Variants in TBC1D9B observed in about 807,000 individuals in gnomAD.
TBC1D9B encodes the protein TBC1 domain family member 9B, also known as TBC1 domain family, member 9B (with GRAM domain).
Under a neutral mutation model 121.1 loss-of-function variants are expected in TBC1D9B, and 87 were observed. The ratio of observed to expected loss-of-function variants is 0.72; its 90% CI spans 0.60 to 0.86. The LOEUF (loss-of-function observed/expected upper bound fraction) is 0.86, where lower values mean the gene tolerates loss of function less well. Among genes scored for constraint, TBC1D9B ranks in the 40% least tolerant of loss-of-function variants. The pLI is 0.00. For missense variants in TBC1D9B, 1,540 were observed against 1,628.6 expected (o/e 0.95, Z 0.94); for synonymous variants, 668 against 670.1 (o/e 1.00, Z 0.05).
chr5:179,878,613 C>T lies in TBC1D9B; in HGVS notation c.1568-90G>A. 3 of 1,292,500 alleles carry T rather than the reference C, an allele frequency of 2.3e-6. No individual in the cohort carries two copies. The South Asian group carries it at 4.3e-5, about 18-fold the overall frequency. 80.1% of individuals were successfully genotyped at this position (1,292,500 alleles called of 1,614,324 possible). ...CAGGTTGGAGTCACCGGGTGCCCCA[C>T]AGAGGAGAGGTGGGACTTGGGGTCA... On this transcript the variant is annotated intron_variant, in intron 9 of 20. Coordinates refer to ENST00000355235, the MANE Select transcript of TBC1D9B (RefSeq NM_015043.4).
chr5:179,907,584 G>T lies in TBC1D9B; in HGVS notation c.118+120C>A. 2 of 440,456 alleles carry T rather than the reference G, an allele frequency of 4.5e-6. No homozygotes were observed. The highest frequency in any genetic ancestry group is 6.0e-6 in the Non-Finnish European group (2 of 334,540). The allele number at this position is 440,456 out of a possible 1,614,324, so 27.3% of individuals were successfully genotyped here. ...CCCCCGCCCCGCCGCGCGCTGGCGTGCGTGTCCGCCGCGACGCGCCGAGGC... is the reference window on the plus strand; with the variant it reads ...CCCCCGCCCCGCCGCGCGCTGGCGTTCGTGTCCGCCGCGACGCGCCGAGGC... On this transcript the variant is annotated intron_variant, in intron 1 of 20. Transcript: ENST00000355235. The surrounding 1 kb of genome is among the most constrained non-coding windows in gnomAD (Gnocchi z 5.3).
intron 17 of TBC1D9B, chr5:179,868,081 A>G (rs1760075658): frequency 2.7e-6 from 1 of 371,836 alleles, no homozygotes; most frequent in Admixed American, 4.2e-5. Context: ...TTTATCACCC[A>G]TGCTGCAGTG....
intron 7 of TBC1D9B, among the ~76,000 whole-genome samples, chr5:179,881,392 C>G (rs984814758): frequency 3.9e-5 from 6 of 152,148 alleles, no homozygotes; most frequent in Non-Finnish European, 8.8e-5. Flanking sequence ...TGCCCTCCTG[C>G]CCGCCCACCT....
intron 4 of TBC1D9B, among the ~76,000 whole-genome samples, chr5:179,894,137 G>A (rs1268295202): frequency 6.6e-6 from 1 of 152,228 alleles, no homozygotes; most frequent in Admixed American, 6.5e-5. Context: ...TTCAGCAGAA[G>A]AGGGCAGGGC....
chr5:179,907,528 C>T lies in TBC1D9B; in HGVS notation c.118+176G>A, dbSNP rs1761358152. On this transcript the variant is annotated intron_variant, in intron 1 of 20. Transcript: ENST00000355235. This position sits in a 1 kb window ranked among gnomAD's most constrained non-coding sequence, Gnocchi z 5.3. ...CCCTCGCCTCCCCGCCCCGGCCCCT[C>T]CGCGCCCGGCTCCCGGGTCCTGGCC... is the stretch of plus-strand genomic sequence containing the variant. 1.3e-5 allele frequency among the ~76,000 whole-genome samples: 2 copies of T among 149,854 alleles called. No homozygotes were observed. The highest frequency in any genetic ancestry group is 3.0e-5 in the Non-Finnish European group (2 of 67,274).
At chr5:179,876,126 C>G (rs1369181025) in intron 10 of TBC1D9B, 89 bp from the exon 11 acceptor site, 1 of 937,646 alleles carries the variant, frequency 1.1e-6, no homozygotes, top group East Asian at 2.9e-5. Flanking sequence ...CCACCCCTCC[C>G]TGCAAGGGCC....
Position 179,865,435 on chromosome 5 carries a change from T to A in TBC1D9B, c.2915-75A>T. 7.0e-7 allele frequency: 1 copy of A among 1,420,716 alleles called. No individual in the cohort carries two copies. Among genetic ancestry groups the A allele is most frequent in the Non-Finnish European group, 9.9e-7 (1 of 1,006,766 alleles). The allele number at this position is 1,420,716 out of a possible 1,614,324, so 88.0% of individuals were successfully genotyped here. On this transcript the variant is annotated intron_variant, in intron 19 of 20. Transcript: ENST00000355235. The surrounding 1 kb of genome is among the most constrained non-coding windows in gnomAD (Gnocchi z 5.1). ...GGGCTGACAGCAGGGAGAGGAAGAG[T>A]TGGGTGTTTTCTGGCATGGAGTTAC...
intron 2 of TBC1D9B, 38 bp from the exon 3 acceptor site, chr5:179,899,345 A>G: frequency 6.4e-7 from 1 of 1,572,872 alleles, no homozygotes; most frequent in Middle Eastern, 1.7e-4. Context: ...AAAATCATGA[A>G]TTCCCCAGGC....
At chr5:179,879,332 A>C in intron 8 of TBC1D9B, 135 bp from the exon 9 acceptor site, 1 of 1,384,182 alleles carries the variant, frequency 7.2e-7, no homozygotes, top group Non-Finnish European at 9.7e-7. Flanking sequence ...AATTCCCGGG[A>C]AAGACCAGGC....
Position 179,870,634 on chromosome 5 carries a change from C to T in TBC1D9B, c.2485-139G>A. 22 of 1,282,090 alleles carry T rather than the reference C, an allele frequency of 1.7e-5. No homozygotes were observed. The South Asian group carries it at 3.4e-4, about 20-fold the overall frequency. The allele number at this position is 1,282,090 out of a possible 1,614,324, so 79.4% of individuals were successfully genotyped here. A position where few individuals can be genotyped will look rare whatever the true frequency, so the allele number is the denominator to read the frequency against. On this transcript the variant is annotated intron_variant, in intron 15 of 20. Coordinates refer to ENST00000355235, the MANE Select transcript of TBC1D9B (RefSeq NM_015043.4). ...GGCGGTAAGCACGGGCCAGACACTG[C>T]AGCACCTCCCGAAAGCTCTCAGGCT...
At chr5:179,872,113 G>A (rs1397521432) in intron 14 of TBC1D9B, 6 of 99,796 alleles carry the variant, frequency 6.0e-5, no homozygotes, top group African/African-American at 2.4e-4. Flanking sequence ...CTCACACTCC[G>A]GGCCCCTTCC....
Position 179,864,056 on chromosome 5 carries a change from G to T in TBC1D9B, c.3094C>A (p.His1032Asn). 1 of 1,613,686 alleles carries T rather than the reference G, an allele frequency of 6.2e-7. No individual in the cohort carries two copies. Among genetic ancestry groups the T allele is most frequent in the Non-Finnish European group, 8.5e-7 (1 of 1,180,028 alleles). ...AGGCTGGCCACGGTGGCGATGGCGT[G>T]GTACAGGTCCTGCTCCATGGGGTCT... ...SEDPMEQDLY[H>N]AIATVASLLL... Residue 1032 changes from histidine to asparagine, a missense_variant, in exon 21 of 21, where the codon CAC becomes AAC. Physicochemically the swap from His to Asn is moderately conservative, Grantham distance 68 (BLOSUM62 1). Transcript: ENST00000355235.
intron 4 of TBC1D9B, 72 bp downstream of exon 4, chr5:179,894,314 G>A: frequency 7.3e-7 from 1 of 1,372,226 alleles, no homozygotes; most frequent in Non-Finnish European, 1.0e-6. Context: ...TGTGGGGATG[G>A]AGTATCTGGG....
intron 7 of TBC1D9B, among the ~76,000 whole-genome samples, chr5:179,881,871 C>T (rs1760549711): frequency 6.6e-6 from 1 of 151,660 alleles, no homozygotes; most frequent in Non-Finnish European, 1.5e-5. Context: ...AACATCTGAT[C>T]AAAAGGATAT....
chr5:179,867,418 G>T (rs565378764), intron 18 of TBC1D9B: 1 of 1,548,880 alleles, frequency 6.5e-7, no homozygotes, highest in Admixed American at 2.0e-5. Flanking sequence ...GAGGTACAGG[G>T]GGCGCCCCTG....
chr5:179,863,534 T>A lies in TBC1D9B; in HGVS notation c.3616A>T (p.Ile1206Phe), dbSNP rs779282947. ...LVNFFEKRVD[I>F]GLKIKDQKKV... ...TTTTGGTCCTTGATCTTGAGTCCAA[T>A]GTCCACTCTCTTCTCAAAGAAGTTC... Residue 1206 changes from isoleucine to phenylalanine, a missense_variant, in exon 21 of 21, where the codon ATT becomes TTT. By Grantham distance (21) the Ile-to-Phe change is conservative. Coordinates refer to ENST00000355235, the MANE Select transcript of TBC1D9B (RefSeq NM_015043.4). This position sits in a 1 kb window ranked among gnomAD's most constrained non-coding sequence, Gnocchi z 4.5. The A allele has an allele frequency of 6.2e-7, 1 of 1,614,200 alleles. No homozygotes were observed. The highest frequency in any genetic ancestry group is 1.1e-5 in the South Asian group (1 of 91,084).
chr5:179,870,583 CT>C, intron 15 of TBC1D9B, 88 bp from the exon 16 acceptor site: 1 of 1,486,152 alleles, frequency 6.7e-7, no homozygotes, highest in South Asian at 1.3e-5. Flanking sequence ...CACCCTCCCC[CT>C]CTGTCCAAGC....
intron 7 of TBC1D9B, 48 bp from the exon 8 acceptor site, chr5:179,879,837 G>A: frequency 6.5e-7 from 1 of 1,542,246 alleles, no homozygotes; most frequent in Non-Finnish European, 8.7e-7. Flanking sequence ...TGTGCTGCCA[G>A]GTGGCCTCTG....
In TBC1D9B at chr5:179,864,058, T is replaced by C; in HGVS notation, c.3092A>G (p.Tyr1031Cys). 6.2e-7 allele frequency: 1 copy of C among 1,613,686 alleles called. No individual in the cohort carries two copies. The highest frequency in any genetic ancestry group is 8.5e-7 in the Non-Finnish European group (1 of 1,180,016). Residue 1031 changes from tyrosine to cysteine, a missense_variant, in exon 21 of 21, where the codon TAC (tyrosine) becomes TGC (cysteine). Transcript: ENST00000355235. ...GCTGGCCACGGTGGCGATGGCGTGG[T>C]ACAGGTCCTGCTCCATGGGGTCTTC... Reference protein sequence around the residue: ...FSEDPMEQDLYHAIATVASLL... With the variant: ...FSEDPMEQDLCHAIATVASLL...
Sources: gnomAD v4.1 joint callset for allele counts (sites outside exome capture counted in the v4.1 genomes callset) on GRCh38, gnomAD v4.1.1 for gene constraint, Gnocchi (gnomAD v3.1) non-coding constraint, MANE v1.5 for transcripts, NCBI Gene and HGNC (gene_info 2026-07-23, HGNC 2026-07-21) for gene names.